SCN2B: variants seen among roughly 807,000 people sequenced by gnomAD.
SCN2B encodes sodium voltage-gated channel beta subunit 2.
In SCN2B, 14 loss-of-function variants were observed where a neutral mutation model predicts 18.2. The ratio of observed to expected loss-of-function variants is 0.77; its 90% CI spans 0.51 to 1.21. The LOEUF (loss-of-function observed/expected upper bound fraction) is 1.21. Ranked by LOEUF, SCN2B falls within the 50% of genes most tolerant of loss-of-function variation. The pLI, the probability that SCN2B is intolerant of heterozygous loss-of-function variation, is 0.00. For missense variants in SCN2B, 262 were observed against 286.9 expected (o/e 0.91, Z 0.63); for synonymous variants, 115 against 115.3 (o/e 1.00, Z 0.02).
Position 118,167,186 on chromosome 11 carries a change from C to G in SCN2B, c.449-100G>C, listed in dbSNP as rs958212164. 1.1e-5 allele frequency: 14 copies of G among 1,261,602 alleles called. No individual in the cohort carries two copies. The Admixed American group carries it at 1.9e-4, about 17-fold the overall frequency. The allele number at this position is 1,261,602 out of a possible 1,614,324, so 78.2% of individuals were successfully genotyped here. A position where few individuals can be genotyped will look rare whatever the true frequency, so the allele number is the denominator to read the frequency against. On this transcript the variant is annotated intron_variant, in intron 3 of 3. Transcript: ENST00000278947. The stretch of plus-strand genomic sequence containing the variant: ...TGCGTGGAACCATCCTGACTTTACT[C>G]TCCTCCACAGACAGGACTTTAGCAA...
In SCN2B at chr11:118,174,091, C is replaced by CTTTTGTTTTTTTTTTTTTT. The variant is rs1555101438; in HGVS notation, c.70+2270_70+2271insAAAAAAAAAAAAAACAAAA. Among the ~76,000 whole-genome samples the CTTTTGTTTTTTTTTTTTTT allele has an allele frequency of 9.0e-4, 60 of 66,668 alleles. 3 individuals are homozygous for CTTTTGTTTTTTTTTTTTTT. The highest frequency in any genetic ancestry group is 2.0e-3 in the East Asian group (4 of 2,022). The allele number at this position is 66,668 out of a possible 152,430, so 43.7% of individuals were successfully genotyped here. On this transcript the variant is annotated intron_variant, in intron 1 of 3. Coordinates refer to ENST00000278947, the MANE Select transcript of SCN2B (RefSeq NM_004588.5). ...ACCATGCCTGGCTTATTTTTCTTTTCTTTTTTTTTTTTTTTTTTTTTTTTT... is the reference window on the plus strand; with the variant it reads ...ACCATGCCTGGCTTATTTTTCTTTTCTTTTGTTTTTTTTTTTTTTTTTTTTTTTTTTTTTTTTTTTTTTT...
At chr11:118,172,755 T>C (rs1014568958) in intron 1 of SCN2B, among the ~76,000 whole-genome samples, 1 of 152,238 alleles carries the variant, frequency 6.6e-6, no homozygotes, top group Admixed American at 6.5e-5. Context: ...TCATCCACTG[T>C]TCTAACTAGC....
rs61502751 is a variant in SCN2B, at chr11:118,167,822, G to A, written c.448+263C>T. Among the ~76,000 whole-genome samples, 440 of 152,294 alleles carry A rather than the reference G, an allele frequency of 2.9e-3. 2 individuals are homozygous for A. The highest frequency in any genetic ancestry group is 9.1e-3 in the African/African-American group (378 of 41,540). On this transcript the variant is annotated intron_variant, in intron 3 of 3. Transcript: ENST00000278947. ...TCTGCCTGCCTCAGCCTCCCAAAGC[G>A]CTGTGATTACAGGTGTGAGCCATCA...
chr11:118,174,091 C>A (rs143356437), intron 1 of SCN2B, among the ~76,000 whole-genome samples: 2 of 66,662 alleles, frequency 3.0e-5, no homozygotes, highest in Admixed American at 2.2e-4. Context: ...TTTTTCTTTT[C>A]TTTTTTTTTT....
In SCN2B at chr11:118,168,678, C is replaced by T. The variant is rs2135518426; in HGVS notation, c.144G>A (p.Leu48=). 4 of 1,614,224 alleles carry T rather than the reference C, an allele frequency of 2.5e-6. No homozygotes were observed. In the South Asian group the frequency reaches 3.3e-5, roughly 13 times the overall value. ...TGTAGCAGGAGTTGAAGGTGCAGGGCAGGCGGGCGTCAGAGCCATTGAGGA... is the reference window on the plus strand; with the variant it reads ...TGTAGCAGGAGTTGAAGGTGCAGGGTAGGCGGGCGTCAGAGCCATTGAGGA... ...LNVLNGSDAR[L]PCTFNSCYTV... The change falls in exon 2 of 4, where the codon CTG becomes CTA. Residue 48 remains leucine (L), a synonymous_variant. Transcript: ENST00000278947. This position sits in a 1 kb window ranked among gnomAD's most constrained non-coding sequence, Gnocchi z 4.7.
chr11:118,163,774 C>T lies in SCN2B; in HGVS notation c.*3113G>A, dbSNP rs929626800. On this transcript the variant is annotated 3_prime_UTR_variant, in exon 4 of 4. Coordinates refer to ENST00000278947, the MANE Select transcript of SCN2B (RefSeq NM_004588.5). ...GGAACATGCAACCAGAAGTGGGGCT[C>T]GAACCCCACGGTAGGAAGAGGAAGA... 2.0e-5 allele frequency: 3 copies of T among 152,334 alleles called. No individual in the cohort carries two copies. Among genetic ancestry groups the T allele is most frequent in the Non-Finnish European group, 2.9e-5 (2 of 68,032 alleles). The allele number at this position is 152,334 out of a possible 1,614,324, so 9.4% of individuals were successfully genotyped here.
At chr11:118,167,244 G>A (rs1948392587) in intron 3 of SCN2B, among the ~76,000 whole-genome samples, 158 bp from the exon 4 acceptor site, 1 of 152,190 alleles carries the variant, frequency 6.6e-6, no homozygotes, top group Non-Finnish European at 1.5e-5. Context: ...TGACCCTGAA[G>A]CGCCGCCACC....
In SCN2B at chr11:118,167,064, C is replaced by G. The variant is rs534967043; in HGVS notation, c.471G>C (p.Thr157=). Residue 157 remains threonine (T), a synonymous_variant, in exon 4 of 4, where the codon ACG becomes ACC. Transcript: ENST00000278947. The part of the protein sequence containing the change: ...LMEEPPERDS[T]VAVIVGASVG... ...CGGAGGCACCCACAATCACGGCCAC[C>G]GTGGAGTCCCGCTCAGGGGGCTCTG... is the stretch of plus-strand genomic sequence containing the variant. The G allele has an allele frequency of 3.1e-6, 5 of 1,612,838 alleles. No individual in the cohort carries two copies. Among genetic ancestry groups the G allele is most frequent in the Non-Finnish European group, 3.4e-6 (4 of 1,180,024 alleles).
At chr11:118,170,899 C>T (rs139975837) in intron 1 of SCN2B, among the ~76,000 whole-genome samples, 14 of 152,298 alleles carry the variant, frequency 9.2e-5, no homozygotes, top group Admixed American at 3.3e-4. Context: ...GAGACTGCCC[C>T]ACTCCAACCA....
Position 118,168,682 on chromosome 11 carries a change from C to A in SCN2B, c.140G>T (p.Arg47Leu). 1 of 1,614,222 alleles carries A rather than the reference C, an allele frequency of 6.2e-7. No individual in the cohort carries two copies. Among genetic ancestry groups the A allele is most frequent in the Non-Finnish European group, 8.5e-7 (1 of 1,180,034 alleles). ...TLNVLNGSDA[R>L]LPCTFNSCYT... is the part of the protein sequence containing the mutation. ...GCAGGAGTTGAAGGTGCAGGGCAGG[C>A]GGGCGTCAGAGCCATTGAGGACGTT... Residue 47 changes from arginine to leucine, a missense_variant, in exon 2 of 4, where the codon CGC (arginine) becomes CTC (leucine). Arg to Leu is a moderately radical substitution (Grantham distance 102). Transcript: ENST00000278947. The surrounding 1 kb of genome is among the most constrained non-coding windows in gnomAD (Gnocchi z 4.7).
rs1287524282 is a variant in SCN2B at position 118,162,949 on chromosome 11, AC to A, written c.*3937del. 2 of 152,244 alleles carry A rather than the reference AC, an allele frequency of 1.3e-5. No homozygotes were observed. Among genetic ancestry groups the A allele is most frequent in the African/African-American group, 2.4e-5 (1 of 41,294 alleles). 9.4% of individuals were successfully genotyped at this position (152,244 alleles called of 1,614,324 possible). On this transcript the variant is annotated 3_prime_UTR_variant, in exon 4 of 4. Transcript: ENST00000278947. Reference sequence around the variant, plus strand: ...TCTCAGTTTCTCTCCCCTTCCAACCACCCCTTCCAACCTCTCTATAGCACAC... The same window carrying A: ...TCTCAGTTTCTCTCCCCTTCCAACCACCCTTCCAACCTCTCTATAGCACAC...
chr11:118,166,523 T>C lies in SCN2B; in HGVS notation c.*364A>G, dbSNP rs1277820866. 2.8e-6 allele frequency: 1 copy of C among 352,884 alleles called. No individual in the cohort carries two copies. The highest frequency in any genetic ancestry group is 2.1e-5 in the African/African-American group (1 of 47,422). The allele number at this position is 352,884 out of a possible 1,614,324, so 21.9% of individuals were successfully genotyped here. Reference sequence around the variant, plus strand: ...CCCACCAGGTCCTCTCTGAAGCCACTGCCAGGCCAAGCACTGGGCAGGTGG... The same window carrying C: ...CCCACCAGGTCCTCTCTGAAGCCACCGCCAGGCCAAGCACTGGGCAGGTGG... On this transcript the variant is annotated 3_prime_UTR_variant, in exon 4 of 4. Transcript: ENST00000278947.
chr11:118,167,493 G>A (rs1172475639), intron 3 of SCN2B, among the ~76,000 whole-genome samples: 1 of 152,178 alleles, frequency 6.6e-6, no homozygotes, highest in Non-Finnish European at 1.5e-5. Context: ...ACAGAGCTTA[G>A]CCCTATGACT....
At chr11:118,174,091 C>CTTTTT (rs1162918445) in intron 1 of SCN2B, among the ~76,000 whole-genome samples, 5,235 of 67,338 alleles carry the variant, frequency 0.078, 53 homozygotes, top group Non-Finnish European at 0.1. Flanking sequence ...TTTTTCTTTT[C>CTTTTT]TTTTTTTTTT....
intron 1 of SCN2B, among the ~76,000 whole-genome samples, chr11:118,172,074 G>T (rs550001686): frequency 6.6e-6 from 1 of 152,132 alleles, no homozygotes; most frequent in African/African-American, 2.4e-5. Context: ...CCGCCAGTCC[G>T]GGCCCTCATT....
intron 3 of SCN2B, among the ~76,000 whole-genome samples, chr11:118,167,788 C>G (rs1321657411): frequency 6.6e-6 from 1 of 152,190 alleles, no homozygotes; most frequent in African/African-American, 2.4e-5. Context: ...AGCTCCTGAG[C>G]TCAAGCTATC....
Position 118,168,252 on chromosome 11 carries a change from C to A in SCN2B, c.281G>T (p.Arg94Leu). ...RMKIINLKLE[R>L]FQDRVEFSGN... ...TGAGAACTCCACGCGGTCTTGAAAC[C>A]GCTCCAGCTTCAGGTTAATGATCTT... The change falls in exon 3 of 4, where the codon CGG (arginine) becomes CTG (leucine). Residue 94 changes from arginine to leucine, a missense_variant. Physicochemically the swap from Arg to Leu is moderately radical, Grantham distance 102. Coordinates refer to ENST00000278947, the MANE Select transcript of SCN2B (RefSeq NM_004588.5). This position sits in a 1 kb window ranked among gnomAD's most constrained non-coding sequence, Gnocchi z 4.7. 1 of 1,614,188 alleles carries A rather than the reference C, an allele frequency of 6.2e-7. No homozygotes were observed. Among genetic ancestry groups the A allele is most frequent in the Non-Finnish European group, 8.5e-7 (1 of 1,180,034 alleles).
In SCN2B at chr11:118,168,164, C is replaced by A. The variant is rs763298135; in HGVS notation, c.369G>T (p.Gly123=). The change falls in exon 3 of 4, where the codon GGG becomes GGT. Residue 123 remains glycine (G), a synonymous_variant. Coordinates refer to ENST00000278947, the MANE Select transcript of SCN2B (RefSeq NM_004588.5). This position sits in a 1 kb window ranked among gnomAD's most constrained non-coding sequence, Gnocchi z 4.7. Reference sequence around the variant, plus strand: ...GGTTCATGATGTAGCAGTTGTAAATCCCCTCATCCTCCGGCTGCACGTTTC... The same window carrying A: ...GGTTCATGATGTAGCAGTTGTAAATACCCTCATCCTCCGGCTGCACGTTTC... ...MLRNVQPEDE[G]IYNCYIMNPP... 1 of 1,614,198 alleles carries A rather than the reference C, an allele frequency of 6.2e-7. No individual in the cohort carries two copies. The highest frequency in any genetic ancestry group is 8.5e-7 in the Non-Finnish European group (1 of 1,180,030).
Position 118,168,661 on chromosome 11 carries a change from G to T in SCN2B, c.161C>A (p.Ser54Tyr). The T allele has an allele frequency of 6.2e-7, 1 of 1,614,248 alleles. No individual in the cohort carries two copies. Among genetic ancestry groups the T allele is most frequent in the Non-Finnish European group, 8.5e-7 (1 of 1,180,036 alleles). Residue 54 changes from serine to tyrosine, a missense_variant, in exon 2 of 4, where the codon TCC becomes TAC. By Grantham distance (144) the Ser-to-Tyr change is moderately radical. Coordinates refer to ENST00000278947, the MANE Select transcript of SCN2B (RefSeq NM_004588.5). This position sits in a 1 kb window ranked among gnomAD's most constrained non-coding sequence, Gnocchi z 4.7. ...SDARLPCTFN[S>Y]CYTVNHKQFS... The stretch of plus-strand genomic sequence containing the variant: ...CTGTTTGTGGTTCACTGTGTAGCAG[G>T]AGTTGAAGGTGCAGGGCAGGCGGGC...
Sources: gnomAD v4.1 joint callset for allele counts (sites outside exome capture counted in the v4.1 genomes callset) on GRCh38, gnomAD v4.1.1 for gene constraint, Gnocchi (gnomAD v3.1) non-coding constraint, MANE v1.5 for transcripts, NCBI Gene and HGNC (gene_info 2026-07-23, HGNC 2026-07-21) for gene names.